The following BRD9 variants were observed in gnomAD, a reference collection of about 807,000 sequenced individuals.
The protein encoded by BRD9 is bromodomain containing 9, also known as bromodomain-containing protein 9.
Under a neutral mutation model 68.7 loss-of-function variants are expected in BRD9, and 47 were observed. That is an observed-to-expected ratio of 0.68 (90% confidence interval 0.54 to 0.87). BRD9 has a LOEUF of 0.87. Among genes scored for constraint, BRD9 ranks in the 40% least tolerant of loss-of-function variants. The pLI is 0.00. For synonymous variants in BRD9, 313 were observed against 293.9 expected, an observed-to-expected ratio of 1.06 and a Z score of -0.67; for missense variants, 670 against 748.4, an observed-to-expected ratio of 0.90 and a Z score of 1.22.
In BRD9 at chr5:876,228, G is replaced by C. The variant is rs1363136769; in HGVS notation, c.1272-16C>G. ...CTCCTGCAGGCTAGAGGGGCCGCGG[G>C]AGAAGGTACGCTGAAAGGAGCCCTT... On this transcript the variant is annotated splice_polypyrimidine_tract_variant and intron_variant, in intron 11 of 15. Transcript: ENST00000467963. The C allele has an allele frequency of 1.3e-6, 2 of 1,599,418 alleles. No individual in the cohort carries two copies. Among genetic ancestry groups the C allele is most frequent in the Non-Finnish European group, 1.7e-6 (2 of 1,167,550 alleles).
rs371572158 is a variant in BRD9 at position 870,369 on chromosome 5, G to C, written c.1525+104C>G. ...AATACCGTAACAAAAGATTTTCCTG[G>C]CATCCCTGTCTAGTCAGGAAGGGAG... On this transcript the variant is annotated intron_variant, in intron 14 of 15. Coordinates refer to ENST00000467963, the MANE Select transcript of BRD9 (RefSeq NM_023924.5). The C allele has an allele frequency of 1.2e-5, 10 of 850,698 alleles. No individual in the cohort carries two copies. In the African/African-American group the frequency reaches 1.4e-4, roughly 12 times the overall value. 52.7% of individuals were successfully genotyped at this position (850,698 alleles called of 1,614,324 possible).
chr5:878,080 C>A (rs1751233141), intron 11 of BRD9, among the ~76,000 whole-genome samples: 1 of 152,334 alleles, frequency 6.6e-6, no homozygotes. Flanking sequence ...ACTTAGGAAA[C>A]ACAATTCAAT....
At chr5:884,260 T>C (rs1752229519) in intron 7 of BRD9, among the ~76,000 whole-genome samples, 190 bp from the exon 8 acceptor site, 1 of 152,212 alleles carries the variant, frequency 6.6e-6, no homozygotes, top group African/African-American at 2.4e-5. Context: ...TTAAGACACT[T>C]TTATTAAAAT....
At chr5:889,818 C>A (rs116275099) in intron 3 of BRD9, 171 bp from the exon 4 acceptor site, 1 of 1,424,982 alleles carries the variant, frequency 7.0e-7, no homozygotes, top group African/African-American at 1.4e-5. Flanking sequence ...CCAAGCTCAG[C>A]CGGGTAGAAA....
At chr5:869,377 C>A (rs1327026586) in intron 14 of BRD9, 1 of 455,898 alleles carries the variant, frequency 2.2e-6, no homozygotes, top group East Asian at 7.0e-5. Flanking sequence ...TACAGCATCA[C>A]GTGATAGATG....
chr5:884,126 C>T, intron 7 of BRD9, 56 bp from the exon 8 acceptor site: 1 of 1,590,654 alleles, frequency 6.3e-7, no homozygotes, highest in Middle Eastern at 1.7e-4. Context: ...CGCACACCTG[C>T]TCCCCATGCG....
At chr5:870,650 T>C in intron 13 of BRD9, 75 bp from the exon 14 acceptor site, 1 of 1,039,810 alleles carries the variant, frequency 9.6e-7, no homozygotes, top group Non-Finnish European at 1.5e-6. Flanking sequence ...CACTCGCTAT[T>C]GAAATCACTC....
rs1753340367 is a variant in BRD9 at position 891,273 on chromosome 5, C to CCGCTTCTTCTCTTCCTGGG, written c.268-5_281dup (p.Lys95ProfsTer14). ...TGTCACAGTGCTCCCTCTCTCGCTT[C>CCGCTTCTTCTCTTCCTGGG]CGCTTCTTCTCTTCCTGGGCGGCAG... On this transcript the variant is annotated frameshift_variant, in exon 3 of 16. Transcript: ENST00000467963. LOFTEE classifies it high-confidence loss of function. The CCGCTTCTTCTCTTCCTGGG allele has an allele frequency of 2.6e-6, 4 of 1,551,450 alleles. No homozygotes were observed. The highest frequency in any genetic ancestry group is 1.4e-5 in the African/African-American group (1 of 73,040).
chr5:870,421 C>T (rs1332813242), intron 14 of BRD9, 52 bp downstream of exon 14: 12 of 1,404,112 alleles, frequency 8.5e-6, no homozygotes, highest in Non-Finnish European at 1.2e-5. Flanking sequence ...GTGTTTTCTT[C>T]CTCTATCACA....
At chr5:878,944 GCACCC>G in intron 10 of BRD9, 1 of 70,354 alleles carries the variant, frequency 1.4e-5, no homozygotes, top group Non-Finnish European at 2.6e-5. Flanking sequence ...GGTGCCAGCA[GCACCC>G]CCAACCCCAG....
Position 881,182 on chromosome 5 carries a change from T to C in BRD9, c.967A>G (p.Met323Val), listed in dbSNP as rs899220759. ...TCCCCGTTCCTCTTCAGATAGCCCA[T>C]CTGGAAGGAAGCACTGCCTGAGCGT... ...RINRFLPGGKMGYLKRNGDGS... is the reference protein window; with the variant it reads ...RINRFLPGGKVGYLKRNGDGS... Residue 323 changes from methionine (M) to valine (V), a missense_variant and splice_region_variant, in exon 9 of 16, where the codon ATG becomes GTG. Physicochemically the swap from Met to Val is conservative, Grantham distance 21 (BLOSUM62 1). Coordinates refer to ENST00000467963, the MANE Select transcript of BRD9 (RefSeq NM_023924.5). 7.4e-6 allele frequency: 12 copies of C among 1,613,760 alleles called. No individual in the cohort carries two copies. Among genetic ancestry groups the C allele is most frequent in the Admixed American group, 5.0e-5 (3 of 60,004 alleles).
chr5:864,935 A>G (rs557860857), intron 15 of BRD9, among the ~76,000 whole-genome samples: 3 of 152,306 alleles, frequency 2.0e-5, no homozygotes, highest in Admixed American at 1.3e-4. Context: ...CCCTGATCAC[A>G]AGGTCAATGG....
chr5:877,645 G>C (rs1297178501), intron 11 of BRD9, among the ~76,000 whole-genome samples: 1 of 152,188 alleles, frequency 6.6e-6, no homozygotes, highest in Non-Finnish European at 1.5e-5. Context: ...CGGAAAAGCA[G>C]GCTGCTACAT....
chr5:877,785 C>T lies in BRD9; in HGVS notation c.1271+570G>A, dbSNP rs559614776. ...TACTTGGAGCTGGGGACTTTAACGGCCTTTAGAGGTAACTGCAGTGACATG... is the reference window on the plus strand; with the variant it reads ...TACTTGGAGCTGGGGACTTTAACGGTCTTTAGAGGTAACTGCAGTGACATG... On this transcript the variant is annotated intron_variant, in intron 11 of 15. Transcript: ENST00000467963. Among the ~76,000 whole-genome samples, 9 of 152,268 alleles carry T rather than the reference C, an allele frequency of 5.9e-5. No homozygotes were observed. In the South Asian group the frequency reaches 1.7e-3, roughly 28 times the overall value.
chr5:885,802 T>C (rs572547484), intron 7 of BRD9, among the ~76,000 whole-genome samples: 19 of 152,364 alleles, frequency 1.2e-4, no homozygotes, highest in African/African-American at 4.1e-4. Flanking sequence ...TTAAGTGCTC[T>C]TGGTGCCTCT....
intron 12 of BRD9, among the ~76,000 whole-genome samples, chr5:874,821 G>A (rs1750667144): frequency 6.6e-6 from 1 of 152,232 alleles, no homozygotes; most frequent in Non-Finnish European, 1.5e-5. Flanking sequence ...AGTGAACTTA[G>A]CCAACAGCAT....
chr5:891,682 C>G lies in BRD9; in HGVS notation c.225G>C (p.Glu75Asp). Residue 75 changes from glutamate to aspartate, a missense_variant, in exon 2 of 16, where the codon GAG becomes GAC. By Grantham distance (45) the Glu-to-Asp change is conservative. Coordinates refer to ENST00000467963, the MANE Select transcript of BRD9 (RefSeq NM_023924.5). The part of the protein sequence containing the change: ...EKKKKKKKKS[E>D]KEKHLDDEER... ...CCTCATCGTCCAGATGCTTCTCCTT[C>G]TCGGACTTCTTCTTCTTCTTCTTTT... 1.9e-6 allele frequency: 3 copies of G among 1,551,644 alleles called. No individual in the cohort carries two copies. Among genetic ancestry groups the G allele is most frequent in the Non-Finnish European group, 2.6e-6 (3 of 1,147,038 alleles).
At chr5:886,452 G>T in intron 7 of BRD9, 140 bp downstream of exon 7, 1 of 885,052 alleles carries the variant, frequency 1.1e-6, no homozygotes, top group Non-Finnish European at 1.7e-6. Context: ...CACTCCTCCT[G>T]CCAGAATAAG....
Position 887,470 on chromosome 5 carries a change from G to A in BRD9, c.608C>T (p.Ala203Val), listed in dbSNP as rs1478700924. Reference protein sequence around the residue: ...NEYKSVTEFKADFKLMCDNAM... With the variant: ...NEYKSVTEFKVDFKLMCDNAM... ...ATTATCACACATCAGCTTGAAATCT[G>A]CCTGAAAAGAAAACAGGAAAGACTT... The change falls in exon 6 of 16, where the codon GCA becomes GTA. Residue 203 changes from alanine to valine, a missense_variant and splice_region_variant. Around this residue, in one of 5 missense-constraint regions of BRD9, gnomAD observed 94 missense variants for 157.2 expected, o/e 0.60. Transcript: ENST00000467963. 1.2e-6 allele frequency: 2 copies of A among 1,610,542 alleles called. No homozygotes were observed. Among genetic ancestry groups the A allele is most frequent in the African/African-American group, 2.7e-5 (2 of 74,820 alleles).
Sources: gnomAD v4.1 joint callset for allele counts (sites outside exome capture counted in the v4.1 genomes callset) on GRCh38, gnomAD v4.1.1 for gene constraint, gnomAD v4.1.1 regional missense constraint, MANE v1.5 for transcripts, NCBI Gene and HGNC (gene_info 2026-07-23, HGNC 2026-07-21) for gene names.